Variants in ADCY7 observed in about 807,000 individuals in gnomAD.
The protein encoded by ADCY7 is adenylate cyclase 7.
ADCY7 carries 72 observed loss-of-function variants against 120.6 expected under a neutral mutation model. The ratio of observed to expected loss-of-function variants is 0.60; its 90% confidence interval spans 0.49 to 0.73. The LOEUF (loss-of-function observed/expected upper bound fraction) is 0.73, where lower values mean the gene tolerates loss of function less well. Ranked by LOEUF, ADCY7 falls within the 30% of genes least tolerant of loss-of-function variation. ADCY7 has a pLI of 0.00. For missense variants in ADCY7, 1,227 were observed against 1,486.0 expected (o/e 0.83, Z 2.87); for synonymous variants, 661 against 628.0 (o/e 1.05, Z -0.78).
chr16:50,298,996 C>G lies in ADCY7; in HGVS notation c.1041C>G (p.Cys347Trp). 1 of 1,612,894 alleles carries G rather than the reference C, an allele frequency of 6.2e-7. No homozygotes were observed. The highest frequency in any genetic ancestry group is 1.1e-5 in the South Asian group (1 of 91,078). The part of the protein sequence containing the change: ...PVSLPTHARN[C>W]VKMGLDMCQA... ...CGCTGCCTACCCACGCCCGGAACTG[C>G]GTGAAGATGGGGCTGGACATGTGCC... Residue 347 changes from cysteine (C) to tryptophan (W), a missense_variant, in exon 8 of 26, where the codon TGC becomes TGG. By Grantham distance (215) the Cys-to-Trp change is radical. Around this residue, in one of 5 missense-constraint regions of ADCY7, gnomAD observed 332 missense variants for 455.8 expected, o/e 0.73. Coordinates refer to ENST00000673801, the MANE Select transcript of ADCY7 (RefSeq NM_001114.5).
chr16:50,292,974 G>A (rs2035090630), intron 5 of ADCY7, 149 bp downstream of exon 5: 1 of 1,048,184 alleles, frequency 9.5e-7, no homozygotes, highest in South Asian at 1.5e-5. Context: ...GCTCCAGCAG[G>A]GTAACCATAG....
At chr16:50,290,300 G>A (rs188651001) in intron 2 of ADCY7, among the ~76,000 whole-genome samples, 157 bp from the exon 3 acceptor site, 2,310 of 152,308 alleles carry the variant, frequency 0.015, 69 homozygotes, top group African/African-American at 0.052. Flanking sequence ...AGGTGACAAA[G>A]GCCAGAAGGT....
At chr16:50,282,771 A>T (rs2034355618) in intron 1 of ADCY7, among the ~76,000 whole-genome samples, 1 of 150,742 alleles carries the variant, frequency 6.6e-6, no homozygotes, top group Non-Finnish European at 1.5e-5. Context: ...CAGTGGCATG[A>T]TCATAGTTCA....
At chr16:50,314,463 A>C (rs2036679007) in intron 24 of ADCY7, 57 bp downstream of exon 24, 2 of 1,334,288 alleles carry the variant, frequency 1.5e-6, no homozygotes, top group Non-Finnish European at 1.1e-6. Flanking sequence ...CAGTCCACCC[A>C]GTCTGTGTGG....
rs761178487 is a variant in ADCY7, at chr16:50,314,779, A to G, written c.2972-235A>G. 1.5e-5 allele frequency: 8 copies of G among 525,660 alleles called. No individual in the cohort carries two copies. The Admixed American group carries it at 2.3e-4, about 15-fold the overall frequency. 32.6% of individuals were successfully genotyped at this position (525,660 alleles called of 1,614,324 possible). A position where few individuals can be genotyped will look rare whatever the true frequency, so the allele number is the denominator to read the frequency against. On this transcript the variant is annotated intron_variant, in intron 24 of 25. Coordinates refer to ENST00000673801, the MANE Select transcript of ADCY7 (RefSeq NM_001114.5). Reference sequence around the variant, plus strand: ...TTTGTTAAAAGAGAGATTAGCAGATACAAGTGTTAACATCAAACCCAGACT... The same window carrying G: ...TTTGTTAAAAGAGAGATTAGCAGATGCAAGTGTTAACATCAAACCCAGACT...
chr16:50,271,608 G>C (rs2033579145), intron 1 of ADCY7, among the ~76,000 whole-genome samples: 1 of 152,106 alleles, frequency 6.6e-6, no homozygotes, highest in South Asian at 2.1e-4. Flanking sequence ...GACCGGGCCT[G>C]ACTTCCCTCC....
intron 1 of ADCY7, among the ~76,000 whole-genome samples, chr16:50,252,920 C>T (rs960775365): frequency 6.6e-6 from 1 of 152,254 alleles, no homozygotes; most frequent in Admixed American, 6.5e-5. Context: ...GGTGTATATT[C>T]TTCCAGACTT....
intron 20 of ADCY7, 73 bp downstream of exon 20, chr16:50,311,859 G>C: frequency 7.2e-7 from 1 of 1,383,620 alleles, no homozygotes; most frequent in South Asian, 1.2e-5. Context: ...AGATGGGGTG[G>C]GGTGGGGTGG....
intron 1 of ADCY7, among the ~76,000 whole-genome samples, chr16:50,271,305 G>C (rs1160385475): frequency 6.6e-6 from 1 of 152,170 alleles, no homozygotes; most frequent in Non-Finnish European, 1.5e-5. Flanking sequence ...ACAGTGGCCT[G>C]GTCATAGCTC....
intron 1 of ADCY7, among the ~76,000 whole-genome samples, chr16:50,272,017 G>C (rs2033608356): frequency 1.2e-4 from 18 of 152,222 alleles, no homozygotes; most frequent in Admixed American, 1.2e-3. Context: ...CTGGGCCTGA[G>C]GGAAAGGGAA....
intron 22 of ADCY7, 110 bp downstream of exon 22, chr16:50,313,146 G>A: frequency 6.9e-7 from 1 of 1,448,168 alleles, no homozygotes. Flanking sequence ...CACAGAGCTG[G>A]GCAAGGTGGT....
intron 1 of ADCY7, among the ~76,000 whole-genome samples, chr16:50,271,097 C>T (rs1182443532): frequency 1.3e-5 from 2 of 152,220 alleles, no homozygotes; most frequent in South Asian, 2.1e-4. Flanking sequence ...TCCCTGCTCT[C>T]CCCTGGAAGC....
At chr16:50,308,957 G>A in intron 17 of ADCY7, 165 bp downstream of exon 17, 3 of 870,684 alleles carry the variant, frequency 3.4e-6, no homozygotes, top group Non-Finnish European at 4.9e-6. Context: ...CCTCACCTTT[G>A]GGTTCTCAAA....
At chr16:50,253,270 A>G (rs1021057213) in intron 1 of ADCY7, among the ~76,000 whole-genome samples, 34 of 152,008 alleles carry the variant, frequency 2.2e-4, no homozygotes, top group Middle Eastern at 6.8e-3. Context: ...CTTTTTTCTG[A>G]GATGGAGTCT....
At chr16:50,294,061 G>A (rs1380550425) in intron 6 of ADCY7, among the ~76,000 whole-genome samples, 1 of 152,170 alleles carries the variant, frequency 6.6e-6, no homozygotes, top group Admixed American at 6.5e-5. Flanking sequence ...AGGCTGGCCC[G>A]CTGCCTTTTC....
intron 1 of ADCY7, among the ~76,000 whole-genome samples, chr16:50,273,951 A>T (rs1054800990): frequency 6.6e-6 from 1 of 152,256 alleles, no homozygotes; most frequent in Admixed American, 6.5e-5. Context: ...TGGGGAAGCT[A>T]AGGAACAAGG....
chr16:50,298,867 C>T (rs763569310), intron 7 of ADCY7, 37 bp from the exon 8 acceptor site: 2 of 1,598,370 alleles, frequency 1.3e-6, no homozygotes, highest in South Asian at 1.1e-5. Flanking sequence ...CCCAGCCCCA[C>T]ATCTTCCAGT....
At chr16:50,303,443 C>T (rs1028298880) in intron 10 of ADCY7, among the ~76,000 whole-genome samples, 15 of 151,212 alleles carry the variant, frequency 9.9e-5, no homozygotes, top group African/African-American at 3.7e-4. Context: ...ACAGGACTTC[C>T]GGAGGCAGAG....
At chr16:50,255,762 G>C (rs2032902125) in intron 1 of ADCY7, among the ~76,000 whole-genome samples, 1 of 152,222 alleles carries the variant, frequency 6.6e-6, no homozygotes, top group African/African-American at 2.4e-5. Flanking sequence ...AAAATGCTGG[G>C]ATCACAGGCA....
Sources: gnomAD v4.1 joint callset for allele counts (sites outside exome capture counted in the v4.1 genomes callset) on GRCh38, gnomAD v4.1.1 for gene constraint, gnomAD v4.1.1 regional missense constraint, MANE v1.5 for transcripts, NCBI Gene and HGNC (gene_info 2026-07-23, HGNC 2026-07-21) for gene names.